Variants in SIPA1L2 observed in about 807,000 individuals in gnomAD.
SIPA1L2 encodes signal-induced proliferation-associated 1-like protein 2.
A neutral mutation model predicts 163.9 loss-of-function variants in SIPA1L2; 56 were observed. The ratio of observed to expected loss-of-function variants is 0.34; its 90% CI spans 0.28 to 0.43. The LOEUF is 0.43. Ranked by LOEUF, SIPA1L2 falls within the 20% of genes least tolerant of loss-of-function variation. SIPA1L2 has a pLI of 1.00. For synonymous variants in SIPA1L2, 877 were observed against 865.7 expected (o/e 1.01, Z -0.23); for missense variants, 1,974 against 2,193.5 (o/e 0.90, Z 2.00).
At chr1:232,499,863 T>C (rs1053959178) in intron 3 of SIPA1L2, among the ~76,000 whole-genome samples, 1 of 152,234 alleles carries the variant, frequency 6.6e-6, no homozygotes, top group Non-Finnish European at 1.5e-5. Flanking sequence ...AGCCAATGCT[T>C]ATTGATCATT....
rs1350842906 is a variant in SIPA1L2 at position 232,445,520 on chromosome 1, C to A, written c.3353+9G>T. ...AGGGCCCCCCTTGAGGAAACGGAAC[C>A]AGCATTACCTCGTGCCATCGGGCAG... On this transcript the variant is annotated intron_variant, in intron 11 of 22. Transcript: ENST00000674635. 2 of 1,613,300 alleles carry A rather than the reference C, an allele frequency of 1.2e-6. No individual in the cohort carries two copies. Among genetic ancestry groups the A allele is most frequent in the African/African-American group, 2.7e-5 (2 of 74,914 alleles).
chr1:232,566,226 A>G (rs1345615219), intron 2 of SIPA1L2, among the ~76,000 whole-genome samples: 1 of 152,176 alleles, frequency 6.6e-6, no homozygotes, highest in Non-Finnish European at 1.5e-5. Context: ...CCTCTATCAG[A>G]CACATTGCTC....
chr1:232,556,100 T>A (rs1031757915), intron 2 of SIPA1L2, among the ~76,000 whole-genome samples: 22 of 152,224 alleles, frequency 1.4e-4, no homozygotes, highest in Non-Finnish European at 2.5e-4. Context: ...TTCTGAAGTA[T>A]CTGTAGCAAG....
chr1:232,519,054 T>C (rs560106361), intron 2 of SIPA1L2, among the ~76,000 whole-genome samples: 1 of 152,268 alleles, frequency 6.6e-6, no homozygotes, highest in East Asian at 1.9e-4. Context: ...TGTTAACACT[T>C]TGCAGGACAC....
chr1:232,469,394 G>C (rs1208123557), intron 8 of SIPA1L2, among the ~76,000 whole-genome samples: 1 of 152,182 alleles, frequency 6.6e-6, no homozygotes, highest in Non-Finnish European at 1.5e-5. Flanking sequence ...GGTGTTTTTA[G>C]AAAATGTGGG....
intron 2 of SIPA1L2, among the ~76,000 whole-genome samples, chr1:232,544,031 T>C (rs895923378): frequency 6.6e-6 from 1 of 152,172 alleles, no homozygotes. Flanking sequence ...ATTTCTAAAA[T>C]TACGGTTAAT....
intron 2 of SIPA1L2, among the ~76,000 whole-genome samples, chr1:232,549,105 A>C (rs1658229853): frequency 6.6e-6 from 1 of 152,186 alleles, no homozygotes; most frequent in East Asian, 1.9e-4. Flanking sequence ...TGGAGCTTTC[A>C]TGCTGGGTCT....
At chr1:232,450,553 G>A (rs944691635) in intron 10 of SIPA1L2, among the ~76,000 whole-genome samples, 6 of 152,192 alleles carry the variant, frequency 3.9e-5, no homozygotes, top group Non-Finnish European at 5.9e-5. Flanking sequence ...CCTGAGTAGT[G>A]CACATCAGGA....
At chr1:232,554,807 T>G (rs907647562) in intron 2 of SIPA1L2, among the ~76,000 whole-genome samples, 17 of 152,308 alleles carry the variant, frequency 1.1e-4, no homozygotes, top group African/African-American at 4.1e-4. Context: ...TCTAACAGGC[T>G]AAAAGGGGTA....
At chr1:232,441,206 C>T in intron 14 of SIPA1L2, 85 bp downstream of exon 14, 1 of 1,008,520 alleles carries the variant, frequency 9.9e-7, no homozygotes, top group Non-Finnish European at 1.4e-6. Flanking sequence ...TCTTGAGCAT[C>T]CCCAGGAATC....
intron 2 of SIPA1L2, among the ~76,000 whole-genome samples, chr1:232,536,653 AAAAC>A (rs987180720): frequency 7.9e-5 from 12 of 152,340 alleles, no homozygotes; most frequent in Non-Finnish European, 1.0e-4. Context: ...AATGAAAAAT[AAAAC>A]AAACAAACAA....
intron 1 of SIPA1L2, among the ~76,000 whole-genome samples, chr1:232,609,860 A>G (rs971221600): frequency 5.3e-5 from 8 of 151,606 alleles, no homozygotes; most frequent in Admixed American, 5.3e-4. Flanking sequence ...AAGAAAAAAG[A>G]AAAAAAAGGA....
chr1:232,404,269 A>AGTGT, intron 19 of SIPA1L2, 91 bp from the exon 20 acceptor site: 1 of 1,110,894 alleles, frequency 9.0e-7, no homozygotes, highest in Non-Finnish European at 1.3e-6. Flanking sequence ...TGTGTGAAGT[A>AGTGT]GTGTGTGTGT....
intron 1 of SIPA1L2, among the ~76,000 whole-genome samples, chr1:232,583,089 C>CA (rs1222346285): frequency 6.6e-6 from 1 of 152,162 alleles, no homozygotes; most frequent in Non-Finnish European, 1.5e-5. Context: ...TTCTCACACT[C>CA]AAATAGTTGT....
chr1:232,560,534 T>C (rs533127954), intron 2 of SIPA1L2, among the ~76,000 whole-genome samples: 10 of 152,342 alleles, frequency 6.6e-5, no homozygotes, highest in African/African-American at 2.4e-4. Context: ...TTCCCAGTGA[T>C]TGTTTAATCC....
intron 2 of SIPA1L2, among the ~76,000 whole-genome samples, chr1:232,547,617 T>C (rs911121660): frequency 8.1e-5 from 12 of 149,038 alleles, no homozygotes; most frequent in African/African-American, 3.0e-4. Context: ...CAGATAAGAG[T>C]GAGAAAAAGT....
At chr1:232,591,085 T>G (rs1171973786) in intron 1 of SIPA1L2, among the ~76,000 whole-genome samples, 1 of 152,142 alleles carries the variant, frequency 6.6e-6, no homozygotes, top group Non-Finnish European at 1.5e-5. Context: ...CAGTGATGAG[T>G]GCTCACCGTC....
chr1:232,624,649 T>C (rs577016657), intron 1 of SIPA1L2, among the ~76,000 whole-genome samples: 16 of 152,370 alleles, frequency 1.1e-4, no homozygotes, highest in African/African-American at 3.1e-4. Flanking sequence ...TACTTCGGAC[T>C]GTTCTGATTT....
At chr1:232,582,059 T>C (rs1660407269) in intron 1 of SIPA1L2, among the ~76,000 whole-genome samples, 2 of 152,260 alleles carry the variant, frequency 1.3e-5, no homozygotes, top group Non-Finnish European at 2.9e-5. Context: ...AGAAGCCTTA[T>C]GCATAATAAT....
Sources: allele counts gnomAD v4.1 joint callset (sites outside exome capture counted in the v4.1 genomes callset), GRCh38; gene constraint gnomAD v4.1.1; transcripts MANE v1.5; gene names NCBI Gene and HGNC (gene_info 2026-07-23, HGNC 2026-07-21).